Variants in OLFM2 observed in about 807,000 individuals in gnomAD.
OLFM2 encodes the protein olfactomedin 2.
In OLFM2, 20 loss-of-function variants were observed where a neutral mutation model predicts 43.9. That is an observed-to-expected ratio of 0.46 (90% CI 0.32 to 0.66). The LOEUF (loss-of-function observed/expected upper bound fraction) is 0.66. Ranked by LOEUF, OLFM2 falls within the 30% of genes least tolerant of loss-of-function variation. The pLI, the probability that OLFM2 is intolerant of heterozygous loss-of-function variation, is 0.04. For missense variants in OLFM2, 416 were observed against 643.6 expected (o/e 0.65, Z 3.83); for synonymous variants, 268 against 278.6 (o/e 0.96, Z 0.38).
chr19:9,863,102 G>A (rs2046376332), intron 1 of OLFM2, among the ~76,000 whole-genome samples: 1 of 152,098 alleles, frequency 6.6e-6, no homozygotes, highest in Admixed American at 6.6e-5. Context: ...AGACCTGAAG[G>A]AAGTGAGGGA....
intron 1 of OLFM2, among the ~76,000 whole-genome samples, chr19:9,912,205 A>C (rs2046832708): frequency 6.6e-6 from 1 of 152,154 alleles, no homozygotes; most frequent in Non-Finnish European, 1.5e-5. Context: ...ACACCGTCTC[A>C]CACATTGGCT....
chr19:9,932,544 T>C (rs937108712), intron 1 of OLFM2, among the ~76,000 whole-genome samples: 1 of 151,868 alleles, frequency 6.6e-6, no homozygotes, highest in Non-Finnish European at 1.5e-5. Flanking sequence ...CTATTTCACT[T>C]AGCTGTTCAG....
chr19:9,886,331 G>A (rs1293130619), intron 1 of OLFM2, among the ~76,000 whole-genome samples: 2 of 151,590 alleles, frequency 1.3e-5, no homozygotes, highest in African/African-American at 2.4e-5. Context: ...CCATCCTCCC[G>A]AGTAGCTGGG....
At chr19:9,902,051 T>A (rs181555671) in intron 1 of OLFM2, among the ~76,000 whole-genome samples, 4 of 152,126 alleles carry the variant, frequency 2.6e-5, no homozygotes, top group East Asian at 3.9e-4. Flanking sequence ...TATTTCGAGA[T>A]GGAGTCTCGC....
chr19:9,924,266 C>T (rs916410022), intron 1 of OLFM2, among the ~76,000 whole-genome samples: 4 of 150,780 alleles, frequency 2.7e-5, no homozygotes, highest in Non-Finnish European at 5.9e-5. Flanking sequence ...ATTACCTGGG[C>T]GTGGTGGCGG....
At chr19:9,874,637 T>C (rs931430158) in intron 1 of OLFM2, among the ~76,000 whole-genome samples, 3 of 152,100 alleles carry the variant, frequency 2.0e-5, no homozygotes, top group Non-Finnish European at 4.4e-5. Context: ...TGCACCACCA[T>C]GCCTGGCTAA....
intron 1 of OLFM2, among the ~76,000 whole-genome samples, chr19:9,927,308 T>C (rs1425494428): frequency 6.6e-6 from 1 of 151,942 alleles, no homozygotes; most frequent in Non-Finnish European, 1.5e-5. Flanking sequence ...AATAAATGAA[T>C]AAATAAATTC....
chr19:9,864,516 G>A (rs867049683), intron 1 of OLFM2, among the ~76,000 whole-genome samples: 1 of 152,272 alleles, frequency 6.6e-6, no homozygotes, highest in South Asian at 2.1e-4. Flanking sequence ...GGTCAGGCTG[G>A]TCTCGAACTC....
chr19:9,915,553 T>C (rs1197457920), intron 1 of OLFM2, among the ~76,000 whole-genome samples: 1 of 151,922 alleles, frequency 6.6e-6, no homozygotes, highest in Non-Finnish European at 1.5e-5. Flanking sequence ...AGTCTTGCTC[T>C]GTCGCCCAGG....
chr19:9,903,493 C>T lies in OLFM2; in HGVS notation c.63+32811G>A, dbSNP rs559293913. Among the ~76,000 whole-genome samples, 6 of 152,312 alleles carry T rather than the reference C, an allele frequency of 3.9e-5. No individual in the cohort carries two copies. In the East Asian group the frequency reaches 5.8e-4, roughly 15 times the overall value. On this transcript the variant is annotated intron_variant, in intron 1 of 5. Coordinates refer to ENST00000264833, the MANE Select transcript of OLFM2 (RefSeq NM_058164.4). ...AACTCTCCACACCCATTTGTTCAGC[C>T]GCCTGTATCCACAAACATTCCTACG...
intron 1 of OLFM2, among the ~76,000 whole-genome samples, chr19:9,903,554 G>T (rs866340323): frequency 1.5e-4 from 23 of 152,224 alleles, no homozygotes; most frequent in African/African-American, 5.5e-4. Context: ...GTATATATCT[G>T]TCAGCTGCCA....
chr19:9,884,319 T>A lies in OLFM2; in HGVS notation c.64-23525A>T, dbSNP rs184376654. Among the ~76,000 whole-genome samples, 33 of 149,128 alleles carry A rather than the reference T, an allele frequency of 2.2e-4. No homozygotes were observed. In the East Asian group the frequency reaches 6.3e-3, roughly 28 times the overall value. ...AAGCCCAGGCACAGTGGCTCAGGAC[T>A]GTAATCCCAGCACTTTGGGAGGCTG... On this transcript the variant is annotated intron_variant, in intron 1 of 5. Transcript: ENST00000264833.
intron 1 of OLFM2, among the ~76,000 whole-genome samples, chr19:9,921,690 T>C (rs1318510947): frequency 6.6e-6 from 1 of 151,860 alleles, no homozygotes; most frequent in East Asian, 2.0e-4. Context: ...TTTCACCATA[T>C]TAGCCAGGAC....
chr19:9,859,880 G>A lies in OLFM2; in HGVS notation c.213+765C>T, dbSNP rs1469974568. Reference sequence around the variant, plus strand: ...GAACAGGCAGGGCGCAGTGGCTCACGCCTGTAATCCCCGCACTTTGGGAGG... The same window carrying A: ...GAACAGGCAGGGCGCAGTGGCTCACACCTGTAATCCCCGCACTTTGGGAGG... On this transcript the variant is annotated intron_variant, in intron 2 of 5. Coordinates refer to ENST00000264833, the MANE Select transcript of OLFM2 (RefSeq NM_058164.4). Among the ~76,000 whole-genome samples the A allele has an allele frequency of 4.6e-5, 7 of 152,118 alleles. No individual in the cohort carries two copies. In the East Asian group the frequency reaches 9.7e-4, roughly 21 times the overall value.
chr19:9,910,431 T>A (rs2046818649), intron 1 of OLFM2, among the ~76,000 whole-genome samples: 1 of 152,112 alleles, frequency 6.6e-6, no homozygotes, highest in Admixed American at 6.6e-5. Context: ...GATAGTCTTG[T>A]GGAATAGGCC....
At position 9,856,831 on chromosome 19, in the gene OLFM2, C is replaced by T. The variant is rs757344165; in HGVS notation, c.663G>A (p.Thr221=). ...GSRFGSWMTD[T]MAPSADSRVW... ...CCCGGCTATCCGCACTGGGGGCCAT[C>T]GTGTCAGTCATCCAGGAGCCGAAGC... is the stretch of plus-strand genomic sequence containing the variant. Residue 221 remains threonine (T), a synonymous_variant, in exon 5 of 6, where the codon ACG becomes ACA. Coordinates refer to ENST00000264833, the MANE Select transcript of OLFM2 (RefSeq NM_058164.4). This position sits in a 1 kb window ranked among gnomAD's most constrained non-coding sequence, Gnocchi z 4.0. The T allele has an allele frequency of 2.5e-6, 4 of 1,613,610 alleles. No individual in the cohort carries two copies. The highest frequency in any genetic ancestry group is 8.5e-7 in the Non-Finnish European group (1 of 1,179,854).
chr19:9,923,429 AC>A (rs2086432496), intron 1 of OLFM2, among the ~76,000 whole-genome samples: 1 of 151,550 alleles, frequency 6.6e-6, no homozygotes, highest in Non-Finnish European at 1.5e-5. Context: ...GTGGGTGCAC[AC>A]CTGTAATCCC....
intron 1 of OLFM2, among the ~76,000 whole-genome samples, chr19:9,896,667 A>G (rs2144970569): frequency 6.6e-6 from 1 of 152,300 alleles, no homozygotes; most frequent in East Asian, 1.9e-4. Flanking sequence ...TCCTCTCTGC[A>G]TCAGATCTCA....
At chr19:9,861,996 G>T (rs2046367956) in intron 1 of OLFM2, among the ~76,000 whole-genome samples, 1 of 150,210 alleles carries the variant, frequency 6.7e-6, no homozygotes, top group Admixed American at 6.7e-5. Context: ...CTCCAGCCTG[G>T]GCGACAGAGC....
Sources: gnomAD v4.1 joint callset for allele counts (sites outside exome capture counted in the v4.1 genomes callset) on GRCh38, gnomAD v4.1.1 for gene constraint, Gnocchi (gnomAD v3.1) non-coding constraint, MANE v1.5 for transcripts, NCBI Gene and HGNC (gene_info 2026-07-23, HGNC 2026-07-21) for gene names.